The following TMEM233 variants were observed in gnomAD, a reference collection of about 807,000 sequenced individuals.
The protein encoded by TMEM233 is dispanin subfamily B member 2.
In TMEM233, 6 loss-of-function variants were observed where a neutral mutation model predicts 11.2. That is an observed-to-expected ratio of 0.54 (90% confidence interval 0.29 to 1.06). The LOEUF (loss-of-function observed/expected upper bound fraction) is 1.06. TMEM233 is among the 50% of genes least tolerant of loss of function. The pLI, the probability that TMEM233 is intolerant of heterozygous loss-of-function variation, is 0.08. For missense variants in TMEM233, 127 were observed against 144.7 expected, an observed-to-expected ratio of 0.88 and a Z score of 0.63; for synonymous variants, 59 against 55.8, an observed-to-expected ratio of 1.06 and a Z score of -0.26.
At chr12:119,629,951 G>A in intron 2 of TMEM233, 79 bp downstream of exon 2, 5 of 1,433,246 alleles carry the variant, frequency 3.5e-6, no homozygotes, top group South Asian at 1.5e-5. Flanking sequence ...GGGTAGATTA[G>A]GTTATGCTCC....
chr12:119,628,167 T>A (rs1954801637), intron 1 of TMEM233, among the ~76,000 whole-genome samples: 3 of 151,858 alleles, frequency 2.0e-5, no homozygotes, highest in Non-Finnish European at 4.4e-5. Flanking sequence ...TTTTTTTATT[T>A]TTATTTTTGA....
rs1383946173 is a variant in TMEM233, at chr12:119,642,382, G to C, written c.*1677G>C. 1 of 152,090 alleles carries C rather than the reference G, an allele frequency of 6.6e-6. No individual in the cohort carries two copies. Among genetic ancestry groups the C allele is most frequent in the Non-Finnish European group, 1.5e-5 (1 of 68,046 alleles). The allele number at this position is 152,090 out of a possible 1,614,324, so 9.4% of individuals were successfully genotyped here. ...GAATCACTTGAATCCAGAAGGCGGA[G>C]GTTGCCGTGAGCTGAGACTGTGCCA... On this transcript the variant is annotated 3_prime_UTR_variant, in exon 3 of 3. Coordinates refer to ENST00000426426, the MANE Select transcript of TMEM233 (RefSeq NM_001136534.3).
At chr12:119,653,391 C>CAAA in the TMEM233 span, among the ~76,000 whole-genome samples, 25,479 of 80,588 alleles carry the variant, frequency 0.32, 4,384 homozygotes, top group African/African-American at 0.37. Context: ...GACGCCACCT[C>CAAA]AAAAAAAAAA....
chr12:119,615,990 C>T (rs529186549), intron 1 of TMEM233, among the ~76,000 whole-genome samples: 2 of 152,292 alleles, frequency 1.3e-5, no homozygotes, highest in African/African-American at 4.8e-5. Context: ...GACTTCTGCC[C>T]AGCTTTCCCC....
chr12:119,613,930 A>G (rs567022588), intron 1 of TMEM233, among the ~76,000 whole-genome samples: 2 of 152,144 alleles, frequency 1.3e-5, no homozygotes, highest in East Asian at 1.9e-4. Context: ...CCACAAGTAG[A>G]GAGGAGATGA....
chr12:119,609,314 G>C (rs919272346), intron 1 of TMEM233, among the ~76,000 whole-genome samples: 2 of 152,184 alleles, frequency 1.3e-5, no homozygotes, highest in Non-Finnish European at 2.9e-5. Flanking sequence ...AAGCAATAAA[G>C]CATTCAGAAG....
chr12:119,647,055 C>T (rs1295642261), downstream of TMEM233, among the ~76,000 whole-genome samples: 1 of 152,136 alleles, frequency 6.6e-6, no homozygotes, highest in South Asian at 2.1e-4. Context: ...GGAATTAAAA[C>T]TCAAACTTTC....
intron 1 of TMEM233, among the ~76,000 whole-genome samples, chr12:119,603,091 C>CAAAAAT (rs112192183): frequency 2.0e-5 from 3 of 151,560 alleles, no homozygotes; most frequent in South Asian, 2.1e-4. Flanking sequence ...CCCGTCCCTA[C>CAAAAAT]AAAAATAAAA....
At chr12:119,608,696 G>A (rs112014691) in intron 1 of TMEM233, among the ~76,000 whole-genome samples, 67 of 152,286 alleles carry the variant, frequency 4.4e-4, no homozygotes, top group African/African-American at 9.9e-4. Flanking sequence ...ATGAAGAAGC[G>A]TCACTTGAGT....
rs777520610 is a variant in TMEM233, at chr12:119,629,779, G to T, written c.230G>T (p.Arg77Leu). 1 of 1,551,640 alleles carries T rather than the reference G, an allele frequency of 6.4e-7. No individual in the cohort carries two copies. Among genetic ancestry groups the T allele is most frequent in the South Asian group, 1.2e-5 (1 of 84,058 alleles). Residue 77 changes from arginine to leucine, a missense_variant, in exon 2 of 3, where the codon CGG (arginine) becomes CTG (leucine). Coordinates refer to ENST00000426426, the MANE Select transcript of TMEM233 (RefSeq NM_001136534.3). ...GATGGAGACTACGAAGGAGCCAGGCGGCTTGGGCGGAATGCTAAGTGGGTA... is the reference window on the plus strand; with the variant it reads ...GATGGAGACTACGAAGGAGCCAGGCTGCTTGGGCGGAATGCTAAGTGGGTA... ...YNDGDYEGAR[R>L]LGRNAKWVAI...
At chr12:119,604,627 GTTGTTTTTTGTT>G (rs1415480814) in intron 1 of TMEM233, among the ~76,000 whole-genome samples, 1 of 151,768 alleles carries the variant, frequency 6.6e-6, no homozygotes, top group Non-Finnish European at 1.5e-5. Flanking sequence ...GTTGGTTTTT[GTTGTTTTTTGTT>G]TTGTTTTTGT....
intron 1 of TMEM233, among the ~76,000 whole-genome samples, chr12:119,620,385 C>G (rs1222258139): frequency 6.6e-6 from 1 of 152,108 alleles, no homozygotes; most frequent in African/African-American, 2.4e-5. Flanking sequence ...ATCCATATAC[C>G]CTTTGACACA....
the TMEM233 span, among the ~76,000 whole-genome samples, chr12:119,649,076 T>C: frequency 6.6e-6 from 1 of 152,140 alleles, no homozygotes; most frequent in Admixed American, 6.5e-5. Flanking sequence ...GGTAGGAGGA[T>C]CACCTGAGGT....
intron 1 of TMEM233, among the ~76,000 whole-genome samples, chr12:119,614,252 C>A (rs1230623114): frequency 6.6e-6 from 1 of 151,992 alleles, no homozygotes. Flanking sequence ...AATAAAAATA[C>A]AAAAATTTGC....
At chr12:119,607,088 T>C (rs1954295899) in intron 1 of TMEM233, among the ~76,000 whole-genome samples, 1 of 152,190 alleles carries the variant, frequency 6.6e-6, no homozygotes. Context: ...AGCATGAACG[T>C]GCATGGGGGA....
chr12:119,649,414 A>T, the TMEM233 span, among the ~76,000 whole-genome samples: 1 of 152,330 alleles, frequency 6.6e-6, no homozygotes, highest in East Asian at 1.9e-4. Flanking sequence ...CTAGTGGAAA[A>T]AATGGAGAAA....
chr12:119,650,494 C>T, the TMEM233 span, among the ~76,000 whole-genome samples: 1 of 152,242 alleles, frequency 6.6e-6, no homozygotes, highest in African/African-American at 2.4e-5. Context: ...CGCATAACAG[C>T]GTGCAATGAC....
rs1954019423 is a variant in TMEM233, at chr12:119,595,350, C to T, written c.186+1316C>T. Among the ~76,000 whole-genome samples the T allele has an allele frequency of 6.6e-6, 1 of 152,228 alleles. No homozygotes were observed. The highest frequency in any genetic ancestry group is 2.4e-5 in the African/African-American group (1 of 41,470). On this transcript the variant is annotated intron_variant, in intron 1 of 2. Coordinates refer to ENST00000426426, the MANE Select transcript of TMEM233 (RefSeq NM_001136534.3). This position sits in a 1 kb window ranked among gnomAD's most constrained non-coding sequence, Gnocchi z 4.3. Reference sequence around the variant, plus strand: ...AGCGCTGTGAAAATCGCTAGCCACCCGTCCCCCATCAAGTCCGCCCACACT... The same window carrying T: ...AGCGCTGTGAAAATCGCTAGCCACCTGTCCCCCATCAAGTCCGCCCACACT...
intron 1 of TMEM233, among the ~76,000 whole-genome samples, chr12:119,596,770 T>C (rs1954057839): frequency 6.6e-6 from 1 of 152,072 alleles, no homozygotes; most frequent in Non-Finnish European, 1.5e-5. Context: ...TGGGATTACA[T>C]GGGTGAGCCA....
Sources: gnomAD v4.1 joint callset for allele counts (sites outside exome capture counted in the v4.1 genomes callset) on GRCh38, gnomAD v4.1.1 for gene constraint, Gnocchi (gnomAD v3.1) non-coding constraint, MANE v1.5 for transcripts, NCBI Gene and HGNC (gene_info 2026-07-23, HGNC 2026-07-21) for gene names.